RBM20: variants seen among roughly 807,000 people sequenced by gnomAD.
RBM20 encodes RNA-binding protein 20.
In RBM20, 51 loss-of-function variants were observed where a neutral mutation model predicts 110.1. The ratio of observed to expected loss-of-function variants is 0.46; its 90% CI spans 0.37 to 0.59. The LOEUF is 0.59. Ranked by LOEUF, RBM20 falls within the 20% of genes least tolerant of loss-of-function variation. RBM20 has a pLI of 0.00. For missense variants in RBM20, 1,512 were observed against 1,574.9 expected (o/e 0.96, Z 0.68); for synonymous variants, 589 against 618.2 (o/e 0.95, Z 0.70).
chr10:110,644,489 AC>A lies in RBM20; in HGVS notation c.39del (p.Ser14AlafsTer90). ...VLAAAMSQDA[D>X]PSGPEQPDRV... ...GCAGCAGCCATGAGCCAGGACGCGG[AC>A]CCCAGCGGTCCGGAGCAGCCGGACA... On this transcript the variant is annotated frameshift_variant, in exon 1 of 14. Coordinates refer to ENST00000369519, the MANE Select transcript of RBM20 (RefSeq NM_001134363.3). LOFTEE classifies it high-confidence loss of function. The surrounding 1 kb of genome is among the most constrained non-coding windows in gnomAD (Gnocchi z 4.3). 1 of 1,522,318 alleles carries A rather than the reference AC, an allele frequency of 6.6e-7. No individual in the cohort carries two copies. Among genetic ancestry groups the A allele is most frequent in the Non-Finnish European group, 8.8e-7 (1 of 1,139,030 alleles). 94.3% of individuals were successfully genotyped at this position (1,522,318 alleles called of 1,614,324 possible).
Position 110,799,900 on chromosome 10 carries a change from C to T in RBM20, c.1782C>T (p.Tyr594=), listed in dbSNP as rs1206245508. 1 of 1,551,978 alleles carries T rather than the reference C, an allele frequency of 6.4e-7. No homozygotes were observed. Among genetic ancestry groups the T allele is most frequent in the South Asian group, 1.2e-5 (1 of 84,060 alleles). The part of the protein sequence containing the change: ...EKLLIRMSKR[Y]KELQLKKPGK... ...TGCTCATTCGGATGTCCAAGAGATA[C>T]AAGGAATTGCAGCTCAAGGTAAAGC... The change falls in exon 7 of 14, where the codon TAC becomes TAT. Residue 594 remains tyrosine, a synonymous_variant. Coordinates refer to ENST00000369519, the MANE Select transcript of RBM20 (RefSeq NM_001134363.3).
chr10:110,674,833 G>T (rs1862314874), intron 1 of RBM20, among the ~76,000 whole-genome samples: 1 of 152,188 alleles, frequency 6.6e-6, no homozygotes, highest in Non-Finnish European at 1.5e-5. Flanking sequence ...CCCACCGGAG[G>T]ATATGCCTAT....
At position 110,838,816 on chromosome 10, in the gene RBM20, T is replaced by C. The variant is rs1342798899; in HGVS notation, c.*2838T>C. On this transcript the variant is annotated 3_prime_UTR_variant, in exon 14 of 14. Transcript: ENST00000369519. Reference sequence around the variant, plus strand: ...AATCAGAACCTTCGGTTTAAAATCATCTAAGAGTCTATACTTGTGTGTACA... The same window carrying C: ...AATCAGAACCTTCGGTTTAAAATCACCTAAGAGTCTATACTTGTGTGTACA... The C allele has an allele frequency of 6.6e-6, 1 of 152,230 alleles. No homozygotes were observed. Among genetic ancestry groups the C allele is most frequent in the African/African-American group, 2.4e-5 (1 of 41,462 alleles). 9.4% of individuals were successfully genotyped at this position (152,230 alleles called of 1,614,324 possible).
At chr10:110,830,844 T>A (rs1341797657) in intron 12 of RBM20, among the ~76,000 whole-genome samples, 2 of 152,100 alleles carry the variant, frequency 1.3e-5, no homozygotes, top group Admixed American at 6.5e-5. Context: ...TCCCTTACAT[T>A]CACAACAACC....
chr10:110,738,509 C>T (rs756695115), intron 1 of RBM20, among the ~76,000 whole-genome samples: 2 of 152,090 alleles, frequency 1.3e-5, no homozygotes, highest in South Asian at 2.1e-4. Context: ...TCTCACGGCC[C>T]GAACCCCCCG....
In RBM20 at chr10:110,739,896, G is replaced by A. The variant is rs1377930473; in HGVS notation, c.192-40905G>A. On this transcript the variant is annotated intron_variant, in intron 1 of 13. Transcript: ENST00000369519. This position sits in a 1 kb window ranked among gnomAD's most constrained non-coding sequence, Gnocchi z 4.1. ...AAGCAGTGAGGAAGCCACTCCCAGC[G>A]GCCCTGCCCGTCTGGGTCCTCCTGC... Among the ~76,000 whole-genome samples, 5 of 152,312 alleles carry A rather than the reference G, an allele frequency of 3.3e-5. No individual in the cohort carries two copies. The highest frequency in any genetic ancestry group is 4.1e-4 in the South Asian group (2 of 4,826).
intron 1 of RBM20, among the ~76,000 whole-genome samples, chr10:110,744,304 C>T (rs1025005382): frequency 6.6e-6 from 1 of 152,154 alleles, no homozygotes; most frequent in Non-Finnish European, 1.5e-5. Context: ...CTCCTGGGGC[C>T]CTTGAAGGTA....
intron 2 of RBM20, among the ~76,000 whole-genome samples, chr10:110,782,923 G>A (rs1844372814): frequency 6.6e-6 from 1 of 152,158 alleles, no homozygotes; most frequent in Admixed American, 6.5e-5. Context: ...ACGGGGAGGT[G>A]CTCAAGGATT....
In RBM20 at chr10:110,727,682, G is replaced by A. The variant is rs190925454; in HGVS notation, c.192-53119G>A. Among the ~76,000 whole-genome samples the A allele has an allele frequency of 2.3e-3, 351 of 152,014 alleles. 6 individuals are homozygous for A. The highest frequency in any genetic ancestry group is 0.018 in the Admixed American group (279 of 15,264). On this transcript the variant is annotated intron_variant, in intron 1 of 13. Coordinates refer to ENST00000369519, the MANE Select transcript of RBM20 (RefSeq NM_001134363.3). ...AGGTTCTGGGATACATGTGCTGAAC[G>A]TGCAGGTTTGTTACATAGGTATACA...
chr10:110,711,652 G>T (rs11598929), intron 1 of RBM20, among the ~76,000 whole-genome samples: 34,884 of 152,148 alleles, frequency 0.23, 4,226 homozygotes, highest in Non-Finnish European at 0.26. Context: ...AAAAACGAAG[G>T]CATTCTATGT....
At chr10:110,679,355 C>CTGGGACTATAGGCA (rs1688260756) in intron 1 of RBM20, among the ~76,000 whole-genome samples, 2 of 152,062 alleles carry the variant, frequency 1.3e-5, no homozygotes, top group Non-Finnish European at 2.9e-5. Context: ...TCACGAGTAG[C>CTGGGACTATAGGCA]TGGGACTATA....
intron 1 of RBM20, among the ~76,000 whole-genome samples, chr10:110,745,486 A>T (rs951097732): frequency 6.6e-6 from 1 of 152,062 alleles, no homozygotes; most frequent in African/African-American, 2.4e-5. Context: ...GCTTTTGTGT[A>T]CCTTCTTGTC....
Position 110,801,398 on chromosome 10 carries a change from G to A in RBM20, c.1800+1480G>A, listed in dbSNP as rs574208605. On this transcript the variant is annotated intron_variant, in intron 7 of 13. Coordinates refer to ENST00000369519, the MANE Select transcript of RBM20 (RefSeq NM_001134363.3). ...GCCAAGATTGTGCCACTGCACTCTA[G>A]CCTGGGCAACAAAAGTGAAACTCCG... Among the ~76,000 whole-genome samples, 17 of 151,084 alleles carry A rather than the reference G, an allele frequency of 1.1e-4. No homozygotes were observed. In the East Asian group the frequency reaches 3.1e-3, roughly 28 times the overall value.
chr10:110,803,801 G>C (rs944378095), intron 7 of RBM20, among the ~76,000 whole-genome samples: 1 of 93,568 alleles, frequency 1.1e-5, no homozygotes, highest in Admixed American at 1.7e-4. Flanking sequence ...CATTAAGCCT[G>C]TTGGCTTAAG....
chr10:110,746,654 G>A (rs1019319821), intron 1 of RBM20, among the ~76,000 whole-genome samples: 1 of 152,174 alleles, frequency 6.6e-6, no homozygotes. Context: ...AGCTGGATTG[G>A]GAGCAGGCAG....
intron 5 of RBM20, among the ~76,000 whole-genome samples, chr10:110,789,614 A>T (rs1018790510): frequency 6.6e-6 from 1 of 151,646 alleles, no homozygotes; most frequent in Non-Finnish European, 1.5e-5. Flanking sequence ...GTGCCACCAG[A>T]CTCAGCTAAT....
At chr10:110,708,699 G>T (rs904480423) in intron 1 of RBM20, among the ~76,000 whole-genome samples, 3 of 152,150 alleles carry the variant, frequency 2.0e-5, no homozygotes, top group Admixed American at 6.5e-5. Flanking sequence ...TTACAACAAG[G>T]CGGAATTATT....
At chr10:110,737,436 A>G (rs541060309) in intron 1 of RBM20, among the ~76,000 whole-genome samples, 2 of 152,156 alleles carry the variant, frequency 1.3e-5, no homozygotes, top group African/African-American at 2.4e-5. Flanking sequence ...AGTATAATGT[A>G]TAGAAATAAT....
chr10:110,646,735 G>A (rs1861873891), intron 1 of RBM20, among the ~76,000 whole-genome samples: 2 of 152,218 alleles, frequency 1.3e-5, no homozygotes, highest in African/African-American at 4.8e-5. Context: ...TTTTGAAACT[G>A]CATTTGCATA....
Sources: allele counts gnomAD v4.1 joint callset (sites outside exome capture counted in the v4.1 genomes callset), GRCh38; gene constraint gnomAD v4.1.1; non-coding constraint Gnocchi (gnomAD v3.1); transcripts MANE v1.5; gene names NCBI Gene and HGNC (gene_info 2026-07-23, HGNC 2026-07-21).